The following LSAMP variants were observed in gnomAD, a reference collection of about 807,000 sequenced individuals.
LSAMP encodes limbic system associated membrane protein.
A neutral mutation model predicts 38.6 loss-of-function variants in LSAMP; 7 were observed. That is an observed-to-expected ratio of 0.18 (90% CI 0.10 to 0.34). LSAMP has a LOEUF of 0.34. Ranked by LOEUF, LSAMP falls within the 10% of genes least tolerant of loss-of-function variation. The pLI is 1.00. For missense variants in LSAMP, 313 were observed against 420.0 expected (o/e 0.75, Z 2.23); for synonymous variants, 154 against 166.8 (o/e 0.92, Z 0.59).
chr3:116,103,293 CCT>C (rs1238269930), intron 1 of LSAMP, among the ~76,000 whole-genome samples: 14 of 151,940 alleles, frequency 9.2e-5, no homozygotes, highest in African/African-American at 1.4e-4. Context: ...TGGCAAAACC[CCT>C]GTCTGTACTA....
At chr3:116,011,799 T>G (rs1033891914) in intron 3 of LSAMP, among the ~76,000 whole-genome samples, 9 of 152,226 alleles carry the variant, frequency 5.9e-5, no homozygotes, top group African/African-American at 2.2e-4. Context: ...CATTCTTACC[T>G]TTCTGGCTCA....
chr3:116,229,892 A>G (rs967400939), intron 1 of LSAMP, among the ~76,000 whole-genome samples: 7 of 152,160 alleles, frequency 4.6e-5, no homozygotes, highest in African/African-American at 1.2e-4. Flanking sequence ...ATGTAATGGA[A>G]AGAAAGAGAG....
intron 1 of LSAMP, among the ~76,000 whole-genome samples, chr3:116,238,927 C>G (rs1376855190): frequency 6.6e-6 from 1 of 151,962 alleles, no homozygotes; most frequent in East Asian, 1.9e-4. Context: ...TTTATTTTTC[C>G]CCTCACCCCA....
chr3:115,818,221 G>A (rs1484954777), intron 6 of LSAMP, among the ~76,000 whole-genome samples: 5 of 152,116 alleles, frequency 3.3e-5, no homozygotes, highest in Admixed American at 1.3e-4. Context: ...GGAAAGGTAC[G>A]ACTCTTGTGC....
chr3:115,920,902 T>A (rs148736687), intron 3 of LSAMP, among the ~76,000 whole-genome samples: 3,676 of 151,724 alleles, frequency 0.024, 167 homozygotes, highest in African/African-American at 0.082. Flanking sequence ...ATATATATAT[T>A]AATTGTTATA....
intron 1 of LSAMP, among the ~76,000 whole-genome samples, chr3:116,436,284 C>A (rs1482381602): frequency 1.3e-5 from 2 of 152,096 alleles, no homozygotes; most frequent in Non-Finnish European, 2.9e-5. Flanking sequence ...CAGACATTGG[C>A]TTAGGCAAGG....
chr3:116,026,480 C>T (rs1940795325), intron 2 of LSAMP, among the ~76,000 whole-genome samples: 1 of 152,068 alleles, frequency 6.6e-6, no homozygotes, highest in African/African-American at 2.4e-5. Context: ...ATTTACTTGC[C>T]CAGAATCCAT....
At chr3:116,036,743 C>T (rs1193881766) in intron 2 of LSAMP, among the ~76,000 whole-genome samples, 1 of 152,150 alleles carries the variant, frequency 6.6e-6, no homozygotes, top group Non-Finnish European at 1.5e-5. Flanking sequence ...ATGGCATTCT[C>T]ATCAATAGAG....
chr3:116,190,574 C>T (rs951825779), intron 1 of LSAMP, among the ~76,000 whole-genome samples: 5 of 152,092 alleles, frequency 3.3e-5, no homozygotes, highest in African/African-American at 1.2e-4. Context: ...ACAACACTGG[C>T]TTCATATTTC....
intron 1 of LSAMP, among the ~76,000 whole-genome samples, chr3:116,262,989 T>C (rs940206115): frequency 1.3e-5 from 2 of 151,892 alleles, no homozygotes; most frequent in African/African-American, 4.9e-5. Context: ...TTTTCGGCTC[T>C]TAAAGCAAAG....
Position 116,301,873 on chromosome 3 carries a change from G to T in LSAMP, c.155+143004C>A, listed in dbSNP as rs571029198. ...CAGAACTGGCAATCTAATCTTAATC[G>T]CTCCTCCCAGTGAAAGAGTAAACAA... is the stretch of plus-strand genomic sequence containing the variant. On this transcript the variant is annotated intron_variant, in intron 1 of 6. Coordinates refer to ENST00000490035, the MANE Select transcript of LSAMP (RefSeq NM_002338.5). Among the ~76,000 whole-genome samples the T allele has an allele frequency of 4.5e-4, 68 of 152,110 alleles. 2 individuals are homozygous for T. The Middle Eastern group carries it at 0.02, about 46-fold the overall frequency.
At chr3:115,886,837 A>G (rs779470814) in intron 3 of LSAMP, among the ~76,000 whole-genome samples, 1 of 151,958 alleles carries the variant, frequency 6.6e-6, no homozygotes, top group Non-Finnish European at 1.5e-5. Context: ...TGTATTTTGG[A>G]AATTGGAAAC....
chr3:116,202,626 G>A (rs1361648846), intron 1 of LSAMP, among the ~76,000 whole-genome samples: 1 of 151,890 alleles, frequency 6.6e-6, no homozygotes, highest in African/African-American at 2.4e-5. Context: ...GTCCCGCTTT[G>A]TTGTCCAGGC....
intron 3 of LSAMP, among the ~76,000 whole-genome samples, chr3:115,999,367 G>A (rs1160998385): frequency 1.3e-5 from 2 of 152,042 alleles, no homozygotes; most frequent in Non-Finnish European, 1.5e-5. Flanking sequence ...ATCCCCCAAG[G>A]ACACGGGCCA....
chr3:116,101,051 T>C (rs187574096), intron 1 of LSAMP, among the ~76,000 whole-genome samples: 14 of 152,220 alleles, frequency 9.2e-5, no homozygotes, highest in Admixed American at 7.2e-4. Flanking sequence ...GCCCAAACCA[T>C]GTCTTCTCAA....
intron 2 of LSAMP, among the ~76,000 whole-genome samples, chr3:116,071,019 A>G (rs35242629): frequency 0.15 from 23,294 of 151,140 alleles, 1,886 homozygotes; most frequent in Non-Finnish European, 0.17. Context: ...CAGCCTGGGC[A>G]ACAAGAATGA....
chr3:116,248,455 A>G (rs2046630936), intron 1 of LSAMP, among the ~76,000 whole-genome samples: 1 of 150,712 alleles, frequency 6.6e-6, no homozygotes, highest in African/African-American at 2.5e-5. Flanking sequence ...AGCCTGGGCA[A>G]TATAGTAAGA....
chr3:116,414,717 C>T (rs372852830), intron 1 of LSAMP, among the ~76,000 whole-genome samples: 2 of 152,144 alleles, frequency 1.3e-5, no homozygotes, highest in African/African-American at 4.8e-5. Context: ...CATGGAATAT[C>T]AGTGAGTTCT....
At chr3:116,385,070 C>T (rs2048607219) in intron 1 of LSAMP, among the ~76,000 whole-genome samples, 1 of 151,070 alleles carries the variant, frequency 6.6e-6, no homozygotes, top group African/African-American at 2.4e-5. Context: ...AATCTAGCTC[C>T]TTTTATTTCC....
Sources: allele counts gnomAD v4.1 joint callset (sites outside exome capture counted in the v4.1 genomes callset), GRCh38; gene constraint gnomAD v4.1.1; transcripts MANE v1.5; gene names NCBI Gene and HGNC (gene_info 2026-07-23, HGNC 2026-07-21).